Variants in SLCO1A2 observed in about 807,000 individuals in gnomAD.
SLCO1A2 encodes the protein solute carrier organic anion transporter family member 1A2.
Under a neutral mutation model 69.0 loss-of-function variants are expected in SLCO1A2, and 67 were observed. The ratio of observed to expected loss-of-function variants is 0.97; its 90% CI spans 0.80 to 1.19. The LOEUF (loss-of-function observed/expected upper bound fraction) is 1.19. SLCO1A2 is among the 50% of genes most tolerant of loss of function. SLCO1A2 has a pLI of 0.00. For missense variants in SLCO1A2, 787 were observed against 793.7 expected, an observed-to-expected ratio of 0.99 and a Z score of 0.10; for synonymous variants, 260 against 265.9, an observed-to-expected ratio of 0.98 and a Z score of 0.22.
At chr12:21,333,886 G>A (rs576590049) in intron 2 of SLCO1A2, among the ~76,000 whole-genome samples, 13 of 152,050 alleles carry the variant, frequency 8.5e-5, no homozygotes, top group Non-Finnish European at 1.6e-4. Context: ...TTGTATACAT[G>A]TTTAAATTTC....
At position 21,365,277 on chromosome 12, in the gene SLCO1A2, A is replaced by G. The variant is rs571131488; in HGVS notation, c.-63+9122T>C. 1.1e-4 allele frequency among the ~76,000 whole-genome samples: 16 copies of G among 152,344 alleles called. No individual in the cohort carries two copies. In the East Asian group the frequency reaches 2.3e-3, roughly 22 times the overall value. On this transcript the variant is annotated intron_variant, in intron 2 of 15. Transcript: ENST00000307378. ...AACCATCTGATCTTTGACAAACCTG[A>G]CAAAAACAAGAAATGGGGAAAGGAT...
intron 1 of SLCO1A2, among the ~76,000 whole-genome samples, chr12:21,385,782 A>C (rs1940846521): frequency 6.6e-6 from 1 of 152,230 alleles, no homozygotes; most frequent in South Asian, 2.1e-4. Flanking sequence ...TGGCATGACA[A>C]GACAGGGAAA....
chr12:21,314,995 A>G (rs190531223), intron 3 of SLCO1A2, among the ~76,000 whole-genome samples: 30 of 152,288 alleles, frequency 2.0e-4, no homozygotes, highest in Non-Finnish European at 3.5e-4. Context: ...TCTATTTGTG[A>G]CTATCTAGAC....
At chr12:21,394,501 C>T (rs1333942281) in intron 1 of SLCO1A2, among the ~76,000 whole-genome samples, 1 of 148,794 alleles carries the variant, frequency 6.7e-6, no homozygotes, top group Non-Finnish European at 1.5e-5. Context: ...GTGATCGTAC[C>T]ACCACACTCC....
intron 1 of SLCO1A2, among the ~76,000 whole-genome samples, chr12:21,415,658 T>C (rs548577716): frequency 6.6e-6 from 1 of 152,254 alleles, no homozygotes; most frequent in South Asian, 2.1e-4. Flanking sequence ...TATTTTCTTA[T>C]CCTTTTGCAT....
At chr12:21,373,853 C>T in intron 2 of SLCO1A2, 1 of 516,974 alleles carries the variant, frequency 1.9e-6, no homozygotes, top group Non-Finnish European at 3.4e-6. Context: ...TTGTTTTCCT[C>T]AGATGTCTCT....
rs1472185006 is a variant in SLCO1A2 at position 21,267,912 on chromosome 12, C to T, written c.*1636G>A. The T allele has an allele frequency of 1.3e-5, 2 of 152,014 alleles. No individual in the cohort carries two copies. Among genetic ancestry groups the T allele is most frequent in the Admixed American group, 6.6e-5 (1 of 15,214 alleles). The allele number at this position is 152,014 out of a possible 1,614,324, so 9.4% of individuals were successfully genotyped here. A position where few individuals can be genotyped will look rare whatever the true frequency, so the allele number is the denominator to read the frequency against. On this transcript the variant is annotated 3_prime_UTR_variant, in exon 15 of 15. Coordinates refer to ENST00000683939, the MANE Select transcript of SLCO1A2 (RefSeq NM_001386879.1). The stretch of plus-strand genomic sequence containing the variant: ...CAGTCATACCTACATCAAAGTTAAA[C>T]TCCCCCTTTCCAATGATTTTAGTTC...
chr12:21,310,529 G>A (rs1217755569), intron 4 of SLCO1A2, among the ~76,000 whole-genome samples: 1 of 152,236 alleles, frequency 6.6e-6, no homozygotes, highest in African/African-American at 2.4e-5. Context: ...AAATAAGACA[G>A]TGATGAAGTT....
At chr12:21,405,584 T>C (rs191543978) in intron 1 of SLCO1A2, among the ~76,000 whole-genome samples, 65 of 152,134 alleles carry the variant, frequency 4.3e-4, no homozygotes, top group African/African-American at 1.6e-3. Context: ...AACAGACACA[T>C]CGACCAAGGA....
In SLCO1A2 at chr12:21,314,549, T is replaced by A. The variant is rs761162835; in HGVS notation, c.335A>T (p.Gln112Leu). Residue 112 changes from glutamine (Q) to leucine (L), a missense_variant and splice_region_variant, in exon 4 of 15, where the codon CAA becomes CTA. Physicochemically the swap from Gln to Leu is moderately radical, Grantham distance 113. Transcript: ENST00000683939. ...AAAATTATCAGACTGGAGTACTTACTGGTTCATGAGGAAATGAGGTAGTGA... is the reference window on the plus strand; with the variant it reads ...AAAATTATCAGACTGGAGTACTTACAGGTTCATGAGGAAATGAGGTAGTGA... ...LKSLPHFLMN[Q>L]YEYESTVSVS... The A allele has an allele frequency of 1.2e-6, 2 of 1,613,670 alleles. No individual in the cohort carries two copies. Among genetic ancestry groups the A allele is most frequent in the Non-Finnish European group, 1.7e-6 (2 of 1,179,888 alleles).
At chr12:21,339,765 C>A (rs1261648506), upstream of SLCO1A2, among the ~76,000 whole-genome samples, 1 of 151,924 alleles carries the variant, frequency 6.6e-6, no homozygotes, top group Non-Finnish European at 1.5e-5. Context: ...TTCTCCACAA[C>A]CCCAGTCTCA....
chr12:21,312,926 A>G (rs779592926), intron 4 of SLCO1A2, among the ~76,000 whole-genome samples: 7 of 151,976 alleles, frequency 4.6e-5, no homozygotes, highest in Non-Finnish European at 1.0e-4. Context: ...AAATATATAT[A>G]TATACAAAAA....
chr12:21,376,686 G>C (rs1239835953), intron 1 of SLCO1A2, among the ~76,000 whole-genome samples: 2 of 151,870 alleles, frequency 1.3e-5, no homozygotes, highest in African/African-American at 2.4e-5. Flanking sequence ...TTTCACATGA[G>C]ATTATTAAAT....
chr12:21,341,549 G>T (rs555608655), intron 2 of SLCO1A2, among the ~76,000 whole-genome samples: 1 of 152,028 alleles, frequency 6.6e-6, no homozygotes, highest in East Asian at 1.9e-4. Flanking sequence ...ATTTTGTGTT[G>T]TCCAAGAACC....
chr12:21,341,720 T>G lies in SLCO1A2; in HGVS notation c.-62-7011A>C, dbSNP rs923940882. Among the ~76,000 whole-genome samples, 3 of 152,182 alleles carry G rather than the reference T, an allele frequency of 2.0e-5. No homozygotes were observed. The East Asian group carries it at 5.8e-4, about 29-fold the overall frequency. Reference sequence around the variant, plus strand: ...CCCAGAACTTCTCAAACTGGCTGCATGTAGTTCAAGGTCAGGATAGTATCC... The same window carrying G: ...CCCAGAACTTCTCAAACTGGCTGCAGGTAGTTCAAGGTCAGGATAGTATCC... On this transcript the variant is annotated intron_variant, in intron 2 of 15. Coordinates refer to the SLCO1A2 transcript ENST00000307378.
chr12:21,399,801 G>T (rs1450147028), upstream of SLCO1A2, among the ~76,000 whole-genome samples: 1 of 138,390 alleles, frequency 7.2e-6, no homozygotes, highest in Non-Finnish European at 1.6e-5. Flanking sequence ...AATAAATGGT[G>T]CTGGGAAAAC....
intron 1 of SLCO1A2, among the ~76,000 whole-genome samples, chr12:21,415,997 G>T (rs1941982068): frequency 6.6e-6 from 1 of 151,942 alleles, no homozygotes; most frequent in South Asian, 2.1e-4. Context: ...CATCTGCTGT[G>T]TTCATTATGC....
chr12:21,392,533 G>C (rs904051452), intron 1 of SLCO1A2, among the ~76,000 whole-genome samples: 5 of 152,166 alleles, frequency 3.3e-5, no homozygotes, highest in African/African-American at 1.2e-4. Flanking sequence ...TCAGAAGAAA[G>C]AATAGCTTAC....
At chr12:21,392,459 A>G (rs1345956763) in intron 1 of SLCO1A2, among the ~76,000 whole-genome samples, 1 of 152,208 alleles carries the variant, frequency 6.6e-6, no homozygotes, top group African/African-American at 2.4e-5. Flanking sequence ...GTGTCTCCCA[A>G]ACTGCAGAGG....
Sources: allele counts gnomAD v4.1 joint callset (sites outside exome capture counted in the v4.1 genomes callset), GRCh38; gene constraint gnomAD v4.1.1; transcripts MANE v1.5; gene names NCBI Gene and HGNC (gene_info 2026-07-23, HGNC 2026-07-21).